The following SPPL2A variants were observed in gnomAD, a reference collection of about 807,000 sequenced individuals.
SPPL2A encodes the protein signal peptide peptidase-like 2A.
Under a neutral mutation model 63.8 loss-of-function variants are expected in SPPL2A, and 51 were observed. The observed-to-expected ratio is 0.80, with a 90% CI of 0.64 to 1.01. SPPL2A has a LOEUF of 1.01. Among genes scored for constraint, SPPL2A ranks in the 50% least tolerant of loss-of-function variants. The pLI, the probability that SPPL2A is intolerant of heterozygous loss-of-function variation, is 0.00. For missense variants in SPPL2A, 553 were observed against 622.7 expected (o/e 0.89, Z 1.19); for synonymous variants, 188 against 205.8 (o/e 0.91, Z 0.74).
At chr15:50,762,811 C>A (rs2063023968) in intron 1 of SPPL2A, among the ~76,000 whole-genome samples, 1 of 150,674 alleles carries the variant, frequency 6.6e-6, no homozygotes, top group Non-Finnish European at 1.5e-5. Context: ...TGGCTTACTG[C>A]AACCTCTGCC....
At chr15:50,718,306 T>G (rs1006198124) in intron 14 of SPPL2A, among the ~76,000 whole-genome samples, 2 of 152,100 alleles carry the variant, frequency 1.3e-5, no homozygotes, top group African/African-American at 4.8e-5. Flanking sequence ...GTCATGAGAA[T>G]AGGCCTCTTT....
chr15:50,732,239 G>A (rs775800681), intron 9 of SPPL2A, among the ~76,000 whole-genome samples: 3 of 152,008 alleles, frequency 2.0e-5, no homozygotes, highest in Admixed American at 6.6e-5. Context: ...CACATTAGTC[G>A]AGTGATGGTT....
intron 10 of SPPL2A, 33 bp downstream of exon 10, chr15:50,730,932 G>C (rs1463028973): frequency 1.2e-6 from 1 of 858,662 alleles, no homozygotes; most frequent in Admixed American, 1.8e-5. Flanking sequence ...TTTTTAGCAT[G>C]TTTCTTCACC....
At chr15:50,725,568 T>C (rs2141029808) in intron 11 of SPPL2A, 1 of 304,952 alleles carries the variant, frequency 3.3e-6, no homozygotes, top group East Asian at 7.8e-5. Flanking sequence ...GTAGCTGGGA[T>C]TACAGGCATG....
intron 5 of SPPL2A, 49 bp downstream of exon 5, chr15:50,747,446 G>A: frequency 6.7e-7 from 1 of 1,499,716 alleles, no homozygotes; most frequent in Non-Finnish European, 9.1e-7. Flanking sequence ...AATGATTGCA[G>A]AAATTTTTAA....
intron 7 of SPPL2A, 52 bp from the exon 8 acceptor site, chr15:50,736,254 T>A (rs1310632246): frequency 9.4e-7 from 1 of 1,064,712 alleles, no homozygotes; most frequent in Admixed American, 1.7e-5. Flanking sequence ...CAATGTTCAC[T>A]TGATATAAGA....
At chr15:50,713,725 G>A (rs977892285) in intron 14 of SPPL2A, among the ~76,000 whole-genome samples, 7 of 151,904 alleles carry the variant, frequency 4.6e-5, no homozygotes, top group Non-Finnish European at 7.4e-5. Context: ...GTTCTTTTAC[G>A]AGTAAGTTAA....
intron 1 of SPPL2A, among the ~76,000 whole-genome samples, chr15:50,761,002 T>TTGTGTG (rs34019001): frequency 6.0e-5 from 9 of 150,226 alleles, no homozygotes; most frequent in Admixed American, 2.0e-4. Context: ...ATTTTTTCAT[T>TTGTGTG]TGTGTGTGTG....
At chr15:50,752,333 G>C (rs1261999300) in intron 1 of SPPL2A, among the ~76,000 whole-genome samples, 1 of 151,712 alleles carries the variant, frequency 6.6e-6, no homozygotes, top group Non-Finnish European at 1.5e-5. Context: ...TTTAATCCCA[G>C]CACTTTGGGA....
chr15:50,714,924 T>C lies in SPPL2A; in HGVS notation c.1488+5016A>G, dbSNP rs147727112. Among the ~76,000 whole-genome samples the C allele has an allele frequency of 3.9e-3, 587 of 152,076 alleles. 3 individuals are homozygous for C. The highest frequency in any genetic ancestry group is 5.2e-3 in the Non-Finnish European group (356 of 67,968). On this transcript the variant is annotated intron_variant, in intron 14 of 14. Transcript: ENST00000261854. ...TGCCACTGTACTCCAGCCTGGGTGA[T>C]AGAGCAAATTCCGCCACCCCTCCCC... is the stretch of plus-strand genomic sequence containing the variant.
chr15:50,743,858 G>A (rs918373552), intron 5 of SPPL2A, among the ~76,000 whole-genome samples: 6 of 151,984 alleles, frequency 3.9e-5, no homozygotes, highest in African/African-American at 1.4e-4. Flanking sequence ...GAGATATGGA[G>A]ATCTTACATA....
intron 14 of SPPL2A, among the ~76,000 whole-genome samples, chr15:50,714,771 T>G (rs909843791): frequency 2.0e-5 from 3 of 151,608 alleles, no homozygotes; most frequent in Non-Finnish European, 2.9e-5. Flanking sequence ...GGCGAAATAC[T>G]GTCTCTAGTG....
intron 10 of SPPL2A, among the ~76,000 whole-genome samples, chr15:50,728,717 C>T (rs941646960): frequency 9.2e-5 from 14 of 152,076 alleles, no homozygotes; most frequent in East Asian, 5.8e-4. Flanking sequence ...GATCTCGGCT[C>T]ACTGTAACCT....
chr15:50,726,737 T>C (rs2062690938), intron 10 of SPPL2A, among the ~76,000 whole-genome samples: 1 of 152,238 alleles, frequency 6.6e-6, no homozygotes, highest in Admixed American at 6.5e-5. Context: ...TTATGCCTTA[T>C]ACTATATGTT....
At chr15:50,715,813 A>G (rs1326557326) in intron 14 of SPPL2A, among the ~76,000 whole-genome samples, 2 of 152,206 alleles carry the variant, frequency 1.3e-5, no homozygotes, top group Admixed American at 6.5e-5. Context: ...TTAAAATAGA[A>G]CAAAGAAGAC....
chr15:50,708,104 T>C (rs955094837), intron 14 of SPPL2A, among the ~76,000 whole-genome samples: 6 of 152,218 alleles, frequency 3.9e-5, no homozygotes, highest in African/African-American at 1.4e-4. Flanking sequence ...ATTTGTGTTC[T>C]CTGGATCTTC....
chr15:50,741,974 A>AT (rs1212343341), intron 5 of SPPL2A, among the ~76,000 whole-genome samples: 2 of 151,772 alleles, frequency 1.3e-5, no homozygotes, highest in Non-Finnish European at 2.9e-5. Flanking sequence ...TCAAAAAAAA[A>AT]GAAAAAAAAA....
At chr15:50,753,384 C>T (rs999901826) in intron 1 of SPPL2A, among the ~76,000 whole-genome samples, 2 of 152,158 alleles carry the variant, frequency 1.3e-5, no homozygotes, top group Admixed American at 1.3e-4. Flanking sequence ...TTTTAAATAT[C>T]TTAGTAAAAT....
intron 1 of SPPL2A, among the ~76,000 whole-genome samples, chr15:50,759,422 A>G (rs955933409): frequency 5.3e-5 from 8 of 152,044 alleles, no homozygotes; most frequent in African/African-American, 1.7e-4. Flanking sequence ...CTCTATTAAA[A>G]CATATATAAC....
Sources: gnomAD v4.1 joint callset for allele counts (sites outside exome capture counted in the v4.1 genomes callset) on GRCh38, gnomAD v4.1.1 for gene constraint, MANE v1.5 for transcripts, NCBI Gene and HGNC (gene_info 2026-07-23, HGNC 2026-07-21) for gene names.